Variants in UTRN observed in about 807,000 individuals in gnomAD.
UTRN encodes the protein utrophin, also known as dystrophin-related protein 1.
A neutral mutation model predicts 463.9 loss-of-function variants in UTRN; 283 were observed. The observed-to-expected ratio is 0.61, with a 90% CI of 0.55 to 0.67. The LOEUF is 0.67. Ranked by LOEUF, UTRN falls within the 30% of genes least tolerant of loss-of-function variation. UTRN has a pLI of 0.00. For synonymous variants in UTRN, 1,442 were observed against 1,431.5 expected, an observed-to-expected ratio of 1.01 and a Z score of -0.17; for missense variants, 3,922 against 4,084.3, an observed-to-expected ratio of 0.96 and a Z score of 1.08.
intron 2 of UTRN, among the ~76,000 whole-genome samples, chr6:144,293,348 T>C (rs575645015): frequency 6.6e-6 from 1 of 152,272 alleles, no homozygotes; most frequent in Non-Finnish European, 1.5e-5. Flanking sequence ...GCCGTGTCCA[T>C]AAAAGAGTAA....
intron 73 of UTRN, 62 bp downstream of exon 73, chr6:144,840,894 A>T: frequency 6.4e-7 from 1 of 1,574,328 alleles, no homozygotes; most frequent in Non-Finnish European, 8.7e-7. Flanking sequence ...CTTTTTCTGC[A>T]TGCGGCCCTT....
chr6:144,349,723 A>G (rs752172988), intron 2 of UTRN, among the ~76,000 whole-genome samples: 4 of 152,146 alleles, frequency 2.6e-5, no homozygotes, highest in South Asian at 2.1e-4. Flanking sequence ...AGGCATGCTC[A>G]TGAAACTGGA....
chr6:144,626,779 A>G (rs1775988180), intron 51 of UTRN, among the ~76,000 whole-genome samples: 8 of 152,194 alleles, frequency 5.3e-5, no homozygotes. Flanking sequence ...AGCTGGGACT[A>G]CAGGCAAGCG....
Position 144,721,378 on chromosome 6 carries a change from T to TTTG in UTRN, c.7810-8970_7810-8968dup, listed in dbSNP as rs1305831254. Among the ~76,000 whole-genome samples, 9 of 152,238 alleles carry TTTG rather than the reference T, an allele frequency of 5.9e-5. No homozygotes were observed. In the South Asian group the frequency reaches 1.0e-3, roughly 18 times the overall value. Reference sequence around the variant, plus strand: ...TGCATGCCACAATGCCTGGCTAATTTTTGTTGTTGTTATTGAGACGGGGTC... The same window carrying TTTG: ...TGCATGCCACAATGCCTGGCTAATTTTTGTTGTTGTTGTTATTGAGACGGGGTC... On this transcript the variant is annotated intron_variant, in intron 53 of 74. Coordinates refer to ENST00000367545, the MANE Select transcript of UTRN (RefSeq NM_007124.3).
At chr6:144,298,679 T>G (rs532115948) in intron 2 of UTRN, among the ~76,000 whole-genome samples, 1 of 152,332 alleles carries the variant, frequency 6.6e-6, no homozygotes, top group East Asian at 1.9e-4. Flanking sequence ...GAATGAGCCT[T>G]TTTTGGTATG....
intron 73 of UTRN, among the ~76,000 whole-genome samples, chr6:144,843,566 T>G (rs989725458): frequency 2.0e-5 from 3 of 152,208 alleles, no homozygotes; most frequent in African/African-American, 7.2e-5. Flanking sequence ...TGGTTGGGGA[T>G]CTTGTTAGCT....
chr6:144,423,403 G>A (rs1584725515), intron 4 of UTRN, 146 bp from the exon 5 acceptor site: 1 of 694,326 alleles, frequency 1.4e-6, no homozygotes, highest in East Asian at 2.7e-5. Flanking sequence ...AGCTTCCAGG[G>A]TGGTAACCTG....
chr6:144,692,013 G>A (rs994945920), intron 52 of UTRN, among the ~76,000 whole-genome samples: 1 of 152,106 alleles, frequency 6.6e-6, no homozygotes, highest in Non-Finnish European at 1.5e-5. Context: ...GTACCCTATA[G>A]TTATTTTTCC....
At chr6:144,420,431 T>G (rs1303201009) in intron 3 of UTRN, among the ~76,000 whole-genome samples, 1 of 152,208 alleles carries the variant, frequency 6.6e-6, no homozygotes, top group Non-Finnish European at 1.5e-5. Context: ...AAGCCGAGGC[T>G]TCCTGATTTT....
intron 6 of UTRN, among the ~76,000 whole-genome samples, chr6:144,424,349 A>G (rs1438990216): frequency 1.3e-5 from 2 of 152,194 alleles, no homozygotes; most frequent in African/African-American, 2.4e-5. Context: ...GCCTGTGATA[A>G]CATAGCTCCA....
In UTRN at chr6:144,577,058, C is replaced by G. The variant is rs192187204; in HGVS notation, c.7290-41C>G. The G allele has an allele frequency of 3.2e-4, 511 of 1,589,708 alleles. 1 individual carries two copies. The highest frequency in any genetic ancestry group is 4.0e-4 in the Non-Finnish European group (464 of 1,162,150). ...ATGCGTGATGTGGAATGTCACAACA[C>G]TGTAAGTAATGGAGCCGTGCTGTCA... On this transcript the variant is annotated intron_variant, in intron 50 of 74. Transcript: ENST00000367545.
intron 2 of UTRN, among the ~76,000 whole-genome samples, chr6:144,325,524 C>T (rs1272576521): frequency 1.3e-5 from 2 of 152,208 alleles, no homozygotes; most frequent in African/African-American, 2.4e-5. Context: ...ATTACCCAGT[C>T]TGTGGCATTC....
chr6:144,295,806 ATT>A (rs1157689933), intron 2 of UTRN, among the ~76,000 whole-genome samples: 1 of 152,116 alleles, frequency 6.6e-6, no homozygotes, highest in Non-Finnish European at 1.5e-5. Flanking sequence ...CACAACCGCC[ATT>A]TTGCAGATGA....
At chr6:144,308,612 C>T (rs1276470174) in intron 2 of UTRN, among the ~76,000 whole-genome samples, 2 of 151,980 alleles carry the variant, frequency 1.3e-5, no homozygotes, top group Admixed American at 1.3e-4. Context: ...TACTCTTGCC[C>T]TAAGAAAATT....
chr6:144,538,578 G>C (rs893950874), intron 44 of UTRN, among the ~76,000 whole-genome samples: 3 of 151,474 alleles, frequency 2.0e-5, no homozygotes, highest in African/African-American at 7.3e-5. Context: ...GCTGAAGCAG[G>C]AGAATGGCAT....
chr6:144,738,763 C>A (rs1442461173), intron 54 of UTRN, among the ~76,000 whole-genome samples: 1 of 152,204 alleles, frequency 6.6e-6, no homozygotes, highest in Non-Finnish European at 1.5e-5. Context: ...CAGGAATCAT[C>A]TTTAAAAATT....
At chr6:144,751,152 C>T (rs9484905) in intron 55 of UTRN, among the ~76,000 whole-genome samples, 338 of 152,120 alleles carry the variant, frequency 2.2e-3, no homozygotes, top group African/African-American at 7.8e-3. Flanking sequence ...CAAGTTGTTG[C>T]ATTTGGTGAA....
At chr6:144,426,216 A>T in intron 6 of UTRN, 71 bp from the exon 7 acceptor site, 8 of 1,516,018 alleles carry the variant, frequency 5.3e-6, no homozygotes, top group Non-Finnish European at 7.1e-6. Flanking sequence ...TTTTTCAAGG[A>T]CTTCATTGAA....
At chr6:144,719,867 G>A (rs896571486) in intron 53 of UTRN, among the ~76,000 whole-genome samples, 2 of 152,214 alleles carry the variant, frequency 1.3e-5, no homozygotes, top group African/African-American at 4.8e-5. Flanking sequence ...TTTAAGAAAA[G>A]TGCATGTTAG....
Sources: allele counts gnomAD v4.1 joint callset (sites outside exome capture counted in the v4.1 genomes callset), GRCh38; gene constraint gnomAD v4.1.1; transcripts MANE v1.5; gene names NCBI Gene and HGNC (gene_info 2026-07-23, HGNC 2026-07-21).